PITPNM2: variants seen among roughly 807,000 people sequenced by gnomAD.
PITPNM2 encodes phosphatidylinositol transfer protein membrane associated 2, also known as membrane-associated phosphatidylinositol transfer protein 2.
A neutral mutation model predicts 132.2 loss-of-function variants in PITPNM2; 35 were observed. The observed-to-expected ratio is 0.26, with a 90% CI of 0.20 to 0.35. The LOEUF (loss-of-function observed/expected upper bound fraction) is 0.35. PITPNM2 is among the 10% of genes least tolerant of loss of function. The pLI, the probability that PITPNM2 is intolerant of heterozygous loss-of-function variation, is 1.00. For synonymous variants in PITPNM2, 738 were observed against 799.2 expected (o/e 0.92, Z 1.29); for missense variants, 1,332 against 1,912.0 (o/e 0.70, Z 5.66).
chr12:123,115,921 T>C (rs574093405), intron 1 of PITPNM2, among the ~76,000 whole-genome samples: 5 of 152,342 alleles, frequency 3.3e-5, no homozygotes, highest in African/African-American at 1.2e-4. Context: ...GTGGCTCCAG[T>C]AGGACCTTGC....
At chr12:123,001,560 C>T (rs1264762140) in intron 8 of PITPNM2, among the ~76,000 whole-genome samples, 3 of 152,206 alleles carry the variant, frequency 2.0e-5, no homozygotes, top group Non-Finnish European at 4.4e-5. Flanking sequence ...TGGAACCATA[C>T]ACCATGTGGT....
intron 2 of PITPNM2, chr12:123,084,566 C>T (rs573865020): frequency 5.3e-5 from 8 of 152,352 alleles, no homozygotes; most frequent in African/African-American, 1.7e-4. Context: ...CAGAAAGAGC[C>T]CCTCCGCTGC....
chr12:123,103,137 T>C (rs2042606728), intron 2 of PITPNM2, among the ~76,000 whole-genome samples: 1 of 152,250 alleles, frequency 6.6e-6, no homozygotes, highest in Non-Finnish European at 1.5e-5. Context: ...ACAAGGCCTC[T>C]GGTTTGTGTT....
At chr12:123,069,209 T>G (rs1391859162) in intron 2 of PITPNM2, among the ~76,000 whole-genome samples, 2 of 150,208 alleles carry the variant, frequency 1.3e-5, no homozygotes, top group Admixed American at 1.3e-4. Flanking sequence ...ATTGCACCAC[T>G]GCACTCCAGC....
chr12:123,071,599 G>A (rs2041623011), intron 2 of PITPNM2, among the ~76,000 whole-genome samples: 1 of 152,226 alleles, frequency 6.6e-6, no homozygotes, highest in African/African-American at 2.4e-5. Flanking sequence ...AGCATGAAAA[G>A]CAGCGGTTGG....
intron 11 of PITPNM2, 65 bp downstream of exon 11, chr12:122,997,260 G>C: frequency 6.3e-7 from 1 of 1,596,768 alleles, no homozygotes; most frequent in East Asian, 2.2e-5. Flanking sequence ...AGCCACCTGA[G>C]GCCCAGGGGT....
chr12:123,077,332 C>A lies in PITPNM2; in HGVS notation c.-96+33053G>T, dbSNP rs371949560. Among the ~76,000 whole-genome samples the A allele has an allele frequency of 5.3e-5, 8 of 152,316 alleles. No homozygotes were observed. The South Asian group carries it at 1.0e-3, about 20-fold the overall frequency. On this transcript the variant is annotated intron_variant, in intron 2 of 25. Transcript: ENST00000320201. The surrounding 1 kb of genome is among the most constrained non-coding windows in gnomAD (Gnocchi z 4.8). ...TGGAGAGGGACAAAACATTTCCTCA[C>A]TGAACTCTCATTTTCAGATAATGAA...
chr12:123,034,765 G>C, intron 2 of PITPNM2, 80 bp from the exon 3 acceptor site: 1 of 598,310 alleles, frequency 1.7e-6, no homozygotes, highest in Non-Finnish European at 3.0e-6. Context: ...GAAAGGCCCG[G>C]TCTACACCTG....
chr12:123,026,655 C>T (rs2039872105), intron 3 of PITPNM2, among the ~76,000 whole-genome samples: 1 of 152,218 alleles, frequency 6.6e-6, no homozygotes, highest in Non-Finnish European at 1.5e-5. Flanking sequence ...GGGTCCCTTC[C>T]ACCTTGGCCT....
intron 3 of PITPNM2, among the ~76,000 whole-genome samples, chr12:123,029,744 C>T (rs921660339): frequency 6.6e-6 from 1 of 151,648 alleles, no homozygotes; most frequent in African/African-American, 2.4e-5. Context: ...GTGCATGTGT[C>T]TGCATGTATT....
In PITPNM2 at chr12:122,996,555, A is replaced by C; in HGVS notation, c.1685T>G (p.Val562Gly). The C allele has an allele frequency of 6.2e-7, 1 of 1,613,040 alleles. No individual in the cohort carries two copies. Among genetic ancestry groups the C allele is most frequent in the Non-Finnish European group, 8.5e-7 (1 of 1,179,996 alleles). ...GGCATCAAATGCCAGGATGCCCCCG[A>C]CGCAGTCCCCAATCAGGCAGACCTT... ...NGQVCLIGDC[V>G]GGILAFDALC... Residue 562 changes from valine (V) to glycine (G), a missense_variant, in exon 13 of 26, where the codon GTC becomes GGC. By Grantham distance (109) the Val-to-Gly change is moderately radical. Coordinates refer to ENST00000320201, the MANE Select transcript of PITPNM2 (RefSeq NM_020845.3).
Position 123,064,514 on chromosome 12 carries a change from C to T in PITPNM2, c.-95-29829G>A, listed in dbSNP as rs993840329. Among the ~76,000 whole-genome samples the T allele has an allele frequency of 5.3e-5, 8 of 152,202 alleles. No individual in the cohort carries two copies. Among genetic ancestry groups the T allele is most frequent in the Non-Finnish European group, 7.3e-5 (5 of 68,038 alleles). On this transcript the variant is annotated intron_variant, in intron 2 of 25. Transcript: ENST00000320201. This position sits in a 1 kb window ranked among gnomAD's most constrained non-coding sequence, Gnocchi z 4.0. ...TCTTTCAACTGGCCCAAGCCCATCG[C>T]GCACAGTCTGGCTCCTCTATCTTTG...
intron 2 of PITPNM2, among the ~76,000 whole-genome samples, chr12:123,052,045 G>T (rs1487241979): frequency 1.3e-5 from 2 of 150,852 alleles, no homozygotes; most frequent in African/African-American, 4.9e-5. Flanking sequence ...TGAGATTACA[G>T]GCACATACCA....
At chr12:123,098,845 C>A (rs1413966663) in intron 2 of PITPNM2, among the ~76,000 whole-genome samples, 2 of 152,116 alleles carry the variant, frequency 1.3e-5, no homozygotes, top group Non-Finnish European at 2.9e-5. Flanking sequence ...CAGCCTTTGT[C>A]TCTGTACTTC....
chr12:123,125,050 T>C (rs1296300410), intron 1 of PITPNM2, among the ~76,000 whole-genome samples: 1 of 152,150 alleles, frequency 6.6e-6, no homozygotes, highest in East Asian at 1.9e-4. Flanking sequence ...CTTGATCTCT[T>C]GGGCTCCCTT....
chr12:123,016,124 G>A (rs1026818886), intron 3 of PITPNM2, among the ~76,000 whole-genome samples: 33 of 152,044 alleles, frequency 2.2e-4, no homozygotes, highest in Non-Finnish European at 4.0e-4. Context: ...CCAGGAGTTA[G>A]AGACCAGCCT....
At chr12:123,139,519 C>T (rs1448887876) in intron 1 of PITPNM2, among the ~76,000 whole-genome samples, 4 of 150,840 alleles carry the variant, frequency 2.7e-5, no homozygotes, top group Non-Finnish European at 4.4e-5. Context: ...AAAAAAACAA[C>T]AGACAACTGC....
intron 2 of PITPNM2, among the ~76,000 whole-genome samples, chr12:123,098,538 C>A (rs2042469197): frequency 6.6e-6 from 1 of 152,124 alleles, no homozygotes; most frequent in Non-Finnish European, 1.5e-5. Flanking sequence ...TCTGTCTCTA[C>A]AAAAAGAGAA....
chr12:123,065,363 G>A (rs1401276845), intron 2 of PITPNM2, among the ~76,000 whole-genome samples: 2 of 152,246 alleles, frequency 1.3e-5, no homozygotes, highest in Non-Finnish European at 2.9e-5. Flanking sequence ...GAGCCACCTG[G>A]TGCCAGGGAC....
Sources: allele counts gnomAD v4.1 joint callset (sites outside exome capture counted in the v4.1 genomes callset), GRCh38; gene constraint gnomAD v4.1.1; non-coding constraint Gnocchi (gnomAD v3.1); transcripts MANE v1.5; gene names NCBI Gene and HGNC (gene_info 2026-07-23, HGNC 2026-07-21).